The following CDKL4 variants were observed in gnomAD, a reference collection of about 807,000 sequenced individuals.
CDKL4 encodes the protein cyclin-dependent kinase-like 4.
In CDKL4, 44 loss-of-function variants were observed where a neutral mutation model predicts 42.0. The ratio of observed to expected loss-of-function variants is 1.05; its 90% CI spans 0.82 to 1.35. The LOEUF (loss-of-function observed/expected upper bound fraction) is 1.35. Among genes scored for constraint, CDKL4 ranks in the 40% most tolerant of loss-of-function variants. The pLI, the probability that CDKL4 is intolerant of heterozygous loss-of-function variation, is 0.00. For synonymous variants in CDKL4, 120 were observed against 121.6 expected, an observed-to-expected ratio of 0.99 and a Z score of 0.09; for missense variants, 393 against 369.9, an observed-to-expected ratio of 1.06 and a Z score of -0.51.
intron 1 of CDKL4, among the ~76,000 whole-genome samples, chr2:39,230,880 C>T (rs1327000273): frequency 6.6e-6 from 1 of 152,142 alleles, no homozygotes; most frequent in Non-Finnish European, 1.5e-5. Flanking sequence ...CAATTTTAAT[C>T]ACTACATTAC....
At chr2:39,208,349 T>C (rs922315702) in intron 4 of CDKL4, among the ~76,000 whole-genome samples, 2 of 151,676 alleles carry the variant, frequency 1.3e-5, no homozygotes, top group African/African-American at 4.8e-5. Context: ...TACACAGCTT[T>C]TTTTTTTTTG....
chr2:39,174,951 T>A (rs901032406), downstream of CDKL4, among the ~76,000 whole-genome samples: 8 of 152,204 alleles, frequency 5.3e-5, no homozygotes, highest in African/African-American at 1.2e-4. Context: ...TGGGAAAAAA[T>A]ATATATATGT....
chr2:39,230,797 A>G (rs1004550653), intron 1 of CDKL4, among the ~76,000 whole-genome samples: 2 of 152,216 alleles, frequency 1.3e-5, no homozygotes, highest in Non-Finnish European at 2.9e-5. Context: ...TTTTTATCCA[A>G]TTATACAGAT....
At chr2:39,176,934 T>C (rs1449966157) in intron 9 of CDKL4, among the ~76,000 whole-genome samples, 1 of 152,192 alleles carries the variant, frequency 6.6e-6, no homozygotes, top group African/African-American at 2.4e-5. Flanking sequence ...AAGGCACCCC[T>C]GTCTTTCTCT....
At chr2:39,239,407 G>C (rs909857539) in intron 1 of CDKL4, among the ~76,000 whole-genome samples, 1 of 152,024 alleles carries the variant, frequency 6.6e-6, no homozygotes, top group Non-Finnish European at 1.5e-5. Context: ...TCCCCATTAA[G>C]AAAATGAAAA....
At chr2:39,208,595 G>A (rs982521878) in intron 4 of CDKL4, among the ~76,000 whole-genome samples, 1 of 151,926 alleles carries the variant, frequency 6.6e-6, no homozygotes, top group Non-Finnish European at 1.5e-5. Flanking sequence ...CACCAGCCTC[G>A]GCCTCCCAAA....
chr2:39,216,276 C>G (rs1236913026), intron 3 of CDKL4, among the ~76,000 whole-genome samples: 1 of 151,962 alleles, frequency 6.6e-6, no homozygotes, highest in Non-Finnish European at 1.5e-5. Flanking sequence ...GGATTGAGAC[C>G]CCTGTACAAA....
At chr2:39,172,320 GA>G (rs112274317), downstream of CDKL4, among the ~76,000 whole-genome samples, 116 of 132,022 alleles carry the variant, frequency 8.8e-4, no homozygotes, top group Admixed American at 1.4e-3. Flanking sequence ...TCCCCGCTCC[GA>G]AAAAAAAAAA....
At position 39,220,976 on chromosome 2, in the gene CDKL4, C is replaced by CTTTTTTTTTTTTTTT; in HGVS notation, c.290+4848_290+4862dup. Among the ~76,000 whole-genome samples, 202 of 49,158 alleles carry CTTTTTTTTTTTTTTT rather than the reference C, an allele frequency of 4.1e-3. 3 individuals are homozygous for CTTTTTTTTTTTTTTT. Among genetic ancestry groups the CTTTTTTTTTTTTTTT allele is most frequent in the African/African-American group, 6.5e-3 (90 of 13,810 alleles). 32.2% of individuals were successfully genotyped at this position (49,158 alleles called of 152,430 possible). ...AATCCGCATTCACTACATCGACGAT[C>CTTTTTTTTTTTTTTT]TTTTTTTTTTTTTTTTTTTTTTTTG... On this transcript the variant is annotated intron_variant, in intron 3 of 9. Coordinates refer to ENST00000451199, the Ensembl canonical transcript of CDKL4.
intron 1 of CDKL4, among the ~76,000 whole-genome samples, chr2:39,239,725 C>T (rs148398536): frequency 6.6e-6 from 1 of 152,314 alleles, no homozygotes; most frequent in Non-Finnish European, 1.5e-5. Flanking sequence ...GAAACTGGAA[C>T]TCACACAAAT....
At chr2:39,200,666 G>C (rs1676790666) in intron 5 of CDKL4, among the ~76,000 whole-genome samples, 1 of 152,122 alleles carries the variant, frequency 6.6e-6, no homozygotes. Flanking sequence ...ACAGAATAGA[G>C]AAACCAGAAA....
chr2:39,221,174 TG>T (rs1015685747), intron 3 of CDKL4, among the ~76,000 whole-genome samples: 2 of 151,174 alleles, frequency 1.3e-5, no homozygotes, highest in African/African-American at 4.9e-5. Flanking sequence ...CCACCACGCC[TG>T]GCTAATTTTT....
downstream of CDKL4, among the ~76,000 whole-genome samples, chr2:39,174,217 C>G (rs1017584504): frequency 2.0e-5 from 3 of 151,912 alleles, no homozygotes; most frequent in African/African-American, 7.3e-5. Flanking sequence ...CCAGCCTGGG[C>G]AACATAACGA....
chr2:39,184,613 G>C, exon 8 of CDKL4: 3 of 1,611,692 alleles, frequency 1.9e-6, no homozygotes, highest in Non-Finnish European at 2.5e-6. Flanking sequence ...CAGAGCCACA[G>C]GATGAACATC....
At chr2:39,169,387 C>T in the CDKL4 span, among the ~76,000 whole-genome samples, 3 of 151,958 alleles carry the variant, frequency 2.0e-5, no homozygotes, top group Non-Finnish European at 4.4e-5. Context: ...AGGGTGTAGT[C>T]GTGTGTGTGT....
At chr2:39,203,675 C>T (rs1572977646) in intron 5 of CDKL4, among the ~76,000 whole-genome samples, 1 of 152,194 alleles carries the variant, frequency 6.6e-6, no homozygotes, top group East Asian at 1.9e-4. Context: ...AACATCCCTA[C>T]TAATGGCAGC....
At chr2:39,233,384 G>C (rs867003778) in intron 1 of CDKL4, among the ~76,000 whole-genome samples, 27 of 152,270 alleles carry the variant, frequency 1.8e-4, no homozygotes, top group South Asian at 4.1e-4. Flanking sequence ...GGAATAAAAG[G>C]ACAAGAGGGA....
At chr2:39,225,446 T>TAA (rs34815134) in intron 3 of CDKL4, among the ~76,000 whole-genome samples, 8 of 151,166 alleles carry the variant, frequency 5.3e-5, no homozygotes, top group African/African-American at 1.9e-4. Context: ...TGCTAGGGAT[T>TAA]AAAAAAAAAT....
chr2:39,173,153 T>C (rs536101360), downstream of CDKL4, among the ~76,000 whole-genome samples: 2 of 152,336 alleles, frequency 1.3e-5, no homozygotes, highest in Non-Finnish European at 2.9e-5. Flanking sequence ...TATGTGTATG[T>C]GTATATCATA....
Sources: gnomAD v4.1 joint callset for allele counts (sites outside exome capture counted in the v4.1 genomes callset) on GRCh38, gnomAD v4.1.1 for gene constraint, MANE v1.5 for transcripts, NCBI Gene and HGNC (gene_info 2026-07-23, HGNC 2026-07-21) for gene names.